The following DMXL2 variants were observed in gnomAD, a reference collection of about 807,000 sequenced individuals.
DMXL2 encodes the protein dmX-like protein 2.
DMXL2 carries 103 observed loss-of-function variants against 331.1 expected under a neutral mutation model. That is an observed-to-expected ratio of 0.31 (90% CI 0.27 to 0.37). The LOEUF is 0.37. Ranked by LOEUF, DMXL2 falls within the 10% of genes least tolerant of loss-of-function variation. DMXL2 has a pLI of 1.00. For missense variants in DMXL2, 3,171 were observed against 3,642.9 expected, an observed-to-expected ratio of 0.87 and a Z score of 3.33; for synonymous variants, 1,281 against 1,252.1, an observed-to-expected ratio of 1.02 and a Z score of -0.49.
At chr15:51,491,769 A>C in intron 19 of DMXL2, 22 bp from the exon 20 acceptor site, 3 of 1,583,290 alleles carry the variant, frequency 1.9e-6, no homozygotes, top group Non-Finnish European at 2.6e-6. Context: ...ATATAAAATA[A>C]TAATCTGCGT....
chr15:51,543,541 T>C (rs2048721391), intron 8 of DMXL2, among the ~76,000 whole-genome samples: 1 of 152,166 alleles, frequency 6.6e-6, no homozygotes, highest in Admixed American at 6.6e-5. Context: ...TTTCACTGGA[T>C]CTTTGACATT....
chr15:51,486,207 C>A lies in DMXL2; in HGVS notation c.5348G>T (p.Gly1783Val), dbSNP rs766285161. 3.7e-6 allele frequency: 6 copies of A among 1,614,004 alleles called. No individual in the cohort carries two copies. The South Asian group carries it at 5.5e-5, about 15-fold the overall frequency. Reference sequence around the variant, plus strand: ...TAATCTTTTGCAACTGAATCCTGAGCCATCCTTTTGGCAACCCAAAATCTT... The same window carrying A: ...TAATCTTTTGCAACTGAATCCTGAGACATCCTTTTGGCAACCCAAAATCTT... ...NQKILGCQKD[G>V]SGFSCKRLHP... Residue 1783 changes from glycine to valine, a missense_variant, in exon 23 of 44, where the codon GGC becomes GTC. Gly to Val is a moderately radical substitution (Grantham distance 109). Around this residue, in one of 7 missense-constraint regions of DMXL2, gnomAD observed 252 missense variants for 387.4 expected, o/e 0.65. Coordinates refer to ENST00000560891, the MANE Select transcript of DMXL2 (RefSeq NM_001378457.1).
At chr15:51,574,508 C>T (rs945844862) in intron 2 of DMXL2, among the ~76,000 whole-genome samples, 21 of 152,184 alleles carry the variant, frequency 1.4e-4, no homozygotes, top group African/African-American at 5.1e-4. Context: ...CAACATCTAA[C>T]ATTCTTTCCA....
rs746897413 is a variant in DMXL2 at position 51,547,220 on chromosome 15, T to A, written c.746+10A>T. The A allele has an allele frequency of 1.9e-6, 3 of 1,574,394 alleles. No homozygotes were observed. Among genetic ancestry groups the A allele is most frequent in the Non-Finnish European group, 2.6e-6 (3 of 1,166,160 alleles). ...ATGCAAACTAAAGCTACATGATTCATTCATCTAACCTGGGCATATACTTGC... is the reference window on the plus strand; with the variant it reads ...ATGCAAACTAAAGCTACATGATTCAATCATCTAACCTGGGCATATACTTGC... On this transcript the variant is annotated intron_variant, in intron 7 of 43. Coordinates refer to ENST00000560891, the MANE Select transcript of DMXL2 (RefSeq NM_001378457.1).
chr15:51,576,663 T>C (rs1057089276), intron 1 of DMXL2, among the ~76,000 whole-genome samples: 1 of 152,058 alleles, frequency 6.6e-6, no homozygotes, highest in Non-Finnish European at 1.5e-5. Flanking sequence ...TAAATAAACA[T>C]GAACAACAAA....
Position 51,622,650 on chromosome 15 carries a change from C to T in DMXL2, c.-105G>A, listed in dbSNP as rs1242728532. 6.9e-7 allele frequency: 1 copy of T among 1,450,990 alleles called. No homozygotes were observed. The highest frequency in any genetic ancestry group is 9.1e-7 in the Non-Finnish European group (1 of 1,096,970). The allele number at this position is 1,450,990 out of a possible 1,614,324, so 89.9% of individuals were successfully genotyped here. A position where few individuals can be genotyped will look rare whatever the true frequency, so the allele number is the denominator to read the frequency against. ...TTTCCCTCTGTGCCTCCCTCGGAAA[C>T]CCGCCCCGCGGAGGCTCTGGCTTAA... On this transcript the variant is annotated 5_prime_UTR_variant, in exon 1 of 44. Transcript: ENST00000560891.
chr15:51,488,166 G>A lies in DMXL2; in HGVS notation c.5052-47C>T, dbSNP rs1298760804. The A allele has an allele frequency of 1.2e-5, 18 of 1,480,166 alleles. 1 individual carries two copies. The highest frequency in any genetic ancestry group is 1.6e-5 in the Non-Finnish European group (18 of 1,101,784). The allele number at this position is 1,480,166 out of a possible 1,614,324, so 91.7% of individuals were successfully genotyped here. On this transcript the variant is annotated intron_variant, in intron 21 of 43. Coordinates refer to ENST00000560891, the MANE Select transcript of DMXL2 (RefSeq NM_001378457.1). ...AAAGTGGTTAAACCAAATTTAAAAT[G>A]TTCTACAGAATGTATAATAATATAA... is the stretch of plus-strand genomic sequence containing the variant.
At chr15:51,517,518 G>A (rs575939311) in intron 13 of DMXL2, among the ~76,000 whole-genome samples, 8 of 152,338 alleles carry the variant, frequency 5.3e-5, no homozygotes, top group East Asian at 3.9e-4. Context: ...CTGCCAGACC[G>A]AAGGTAAGGG....
intron 27 of DMXL2, among the ~76,000 whole-genome samples, 172 bp downstream of exon 27, chr15:51,476,417 A>G (rs370242135): frequency 1.6e-4 from 25 of 152,246 alleles, no homozygotes; most frequent in African/African-American, 6.0e-4. Flanking sequence ...TCTTCAGACA[A>G]TATTGCAGTA....
chr15:51,500,666 C>G (rs368529665), intron 17 of DMXL2, among the ~76,000 whole-genome samples: 25 of 152,284 alleles, frequency 1.6e-4, no homozygotes, highest in African/African-American at 6.0e-4. Context: ...CTTTCAAATG[C>G]CCCTAACCTT....
chr15:51,455,240 GTA>G lies in DMXL2; in HGVS notation c.8527-14_8527-13del, dbSNP rs774495709. Reference sequence around the variant, plus strand: ...TCCGCAACACCACACTGTAAGAACAGTATAACTACTAAACACATGTTCTTAGC... The same window carrying G: ...TCCGCAACACCACACTGTAAGAACAGTAACTACTAAACACATGTTCTTAGC... On this transcript the variant is annotated splice_polypyrimidine_tract_variant and intron_variant, in intron 39 of 43. Coordinates refer to ENST00000560891, the MANE Select transcript of DMXL2 (RefSeq NM_001378457.1). 68 of 1,608,774 alleles carry G rather than the reference GTA, an allele frequency of 4.2e-5. No individual in the cohort carries two copies. Among genetic ancestry groups the G allele is most frequent in the Non-Finnish European group, 5.7e-5 (67 of 1,175,134 alleles).
intron 1 of DMXL2, among the ~76,000 whole-genome samples, chr15:51,613,646 T>G (rs1031838213): frequency 6.6e-6 from 1 of 152,230 alleles, no homozygotes. Flanking sequence ...AATGCAGATA[T>G]TATATTAATT....
intron 6 of DMXL2, among the ~76,000 whole-genome samples, chr15:51,552,517 A>G (rs888106588): frequency 1.3e-5 from 2 of 152,230 alleles, no homozygotes; most frequent in East Asian, 3.8e-4. Flanking sequence ...TACTATCTAC[A>G]GATGTTTAAC....
Position 51,555,194 on chromosome 15 carries a change from T to G in DMXL2, c.568-7786A>C, listed in dbSNP as rs60587737. 7.1e-3 allele frequency among the ~76,000 whole-genome samples: 1,075 copies of G among 152,282 alleles called. 17 individuals are homozygous for G. Among genetic ancestry groups the G allele is most frequent in the East Asian group, 0.026 (132 of 5,160 alleles). On this transcript the variant is annotated intron_variant, in intron 6 of 43. Coordinates refer to ENST00000560891, the MANE Select transcript of DMXL2 (RefSeq NM_001378457.1). The stretch of plus-strand genomic sequence containing the variant: ...TTTTTAAATCACTCCACCTGCTGGT[T>G]TGAACATAGATTGTACAGAAGTGCA...
At chr15:51,457,630 T>C in intron 36 of DMXL2, 164 bp from the exon 37 acceptor site, 2 of 726,150 alleles carry the variant, frequency 2.8e-6, no homozygotes, top group South Asian at 4.8e-5. Flanking sequence ...TTAATACTGG[T>C]TAACTTTTTT....
intron 1 of DMXL2, among the ~76,000 whole-genome samples, chr15:51,588,076 G>A (rs2051997121): frequency 6.6e-6 from 1 of 151,224 alleles, no homozygotes; most frequent in South Asian, 2.1e-4. Context: ...TTAGTGCTTT[G>A]TCAGCTGAGT....
chr15:51,595,410 T>G (rs532707076), intron 1 of DMXL2, among the ~76,000 whole-genome samples: 255 of 152,140 alleles, frequency 1.7e-3, no homozygotes, highest in African/African-American at 5.8e-3. Context: ...CACTGCTCAA[T>G]GAAATAAAAG....
In DMXL2 at chr15:51,538,464, A is replaced by T. The variant is rs778716733; in HGVS notation, c.1106-12T>A. 1.3e-6 allele frequency: 2 copies of T among 1,562,996 alleles called. No homozygotes were observed. Among genetic ancestry groups the T allele is most frequent in the Admixed American group, 4.0e-5 (2 of 50,042 alleles). On this transcript the variant is annotated splice_polypyrimidine_tract_variant and intron_variant, in intron 9 of 43. Transcript: ENST00000560891. ...GACATTTGGAATATCTGTGGAAATA[A>T]AAGAGATTTCAATATAATTTTTTTT...
intron 1 of DMXL2, among the ~76,000 whole-genome samples, chr15:51,612,067 G>A (rs1041161530): frequency 2.6e-5 from 4 of 152,142 alleles, no homozygotes; most frequent in African/African-American, 4.8e-5. Context: ...AACATTGACC[G>A]CGAAGGTCTG....
Sources: gnomAD v4.1 joint callset for allele counts (sites outside exome capture counted in the v4.1 genomes callset) on GRCh38, gnomAD v4.1.1 for gene constraint, gnomAD v4.1.1 regional missense constraint, MANE v1.5 for transcripts, NCBI Gene and HGNC (gene_info 2026-07-23, HGNC 2026-07-21) for gene names.